The following DDX19A variants were observed in gnomAD, a reference collection of about 807,000 sequenced individuals.
DDX19A encodes the protein ATP-dependent RNA helicase DDX19A.
Under a neutral mutation model 60.6 loss-of-function variants are expected in DDX19A, and 12 were observed. That is an observed-to-expected ratio of 0.20 (90% CI 0.13 to 0.32). DDX19A has a LOEUF of 0.32. DDX19A is among the 10% of genes least tolerant of loss of function. The pLI is 1.00. For synonymous variants in DDX19A, 206 were observed against 218.2 expected (o/e 0.94, Z 0.49); for missense variants, 337 against 600.6 (o/e 0.56, Z 4.59).
At chr16:70,350,253 A>G (rs763152524) in intron 1 of DDX19A, among the ~76,000 whole-genome samples, 4 of 152,210 alleles carry the variant, frequency 2.6e-5, no homozygotes, top group Non-Finnish European at 4.4e-5. Context: ...ACCTTGTCTC[A>G]GAAAATAAAT....
chr16:70,365,798 A>G, intron 7 of DDX19A: 1 of 473,002 alleles, frequency 2.1e-6, no homozygotes, highest in Non-Finnish European at 3.9e-6. Flanking sequence ...TAAATAAATA[A>G]ACATAAAAAG....
At chr16:70,348,089 T>C (rs977931717) in intron 1 of DDX19A, 2 of 358,740 alleles carry the variant, frequency 5.6e-6, no homozygotes, top group African/African-American at 4.4e-5. Flanking sequence ...TGATGGCTAA[T>C]AGAAATATCA....
Position 70,357,366 on chromosome 16 carries a change from G to GTTTTTTT in DDX19A, c.293+1149_293+1155dup, listed in dbSNP as rs71151183. Among the ~76,000 whole-genome samples, 429 of 44,582 alleles carry GTTTTTTT rather than the reference G, an allele frequency of 9.6e-3. 171 individuals are homozygous for GTTTTTTT. The highest frequency in any genetic ancestry group is 0.013 in the East Asian group (18 of 1,370). The allele number at this position is 44,582 out of a possible 152,430, so 29.2% of individuals were successfully genotyped here. ...AATCTGTCAAATCTGTTTTTGGTTT[G>GTTTTTTT]TTTTTTTTTTTTTTTTTTTTTTTTT... On this transcript the variant is annotated intron_variant, in intron 4 of 11. Transcript: ENST00000302243.
intron 2 of DDX19A, among the ~76,000 whole-genome samples, chr16:70,351,691 AT>A (rs1017332138): frequency 4.1e-5 from 6 of 146,350 alleles, no homozygotes; most frequent in Admixed American, 6.8e-5. Context: ...TGCCCAGCTA[AT>A]TTTTTTTTTG....
chr16:70,372,194 T>C lies in DDX19A; in HGVS notation c.*208T>C, dbSNP rs373971062. ...AAGAAAAAATTTGCATTTTGGAAAA[T>C]TGGGTCCTTTCCCCACTTTTTTAAA... is the stretch of plus-strand genomic sequence containing the variant. On this transcript the variant is annotated 3_prime_UTR_variant, in exon 12 of 12. Coordinates refer to ENST00000302243, the MANE Select transcript of DDX19A (RefSeq NM_018332.5). 1 of 745,878 alleles carries C rather than the reference T, an allele frequency of 1.3e-6. No individual in the cohort carries two copies. The highest frequency in any genetic ancestry group is 2.2e-6 in the Non-Finnish European group (1 of 459,898). The allele number at this position is 745,878 out of a possible 1,614,324, so 46.2% of individuals were successfully genotyped here.
rs2047294225 is a variant in DDX19A at position 70,372,636 on chromosome 16, A to C, written c.*650A>C. 6.5e-6 allele frequency: 1 copy of C among 153,608 alleles called. No individual in the cohort carries two copies. The highest frequency in any genetic ancestry group is 1.4e-5 in the Non-Finnish European group (1 of 69,194). The allele number at this position is 153,608 out of a possible 1,614,324, so 9.5% of individuals were successfully genotyped here. ...ACTTCAGATTTGGAGAGAAACACGA[A>C]AGTCTGAATCCTGACCCCTTGAGAG... On this transcript the variant is annotated 3_prime_UTR_variant, in exon 12 of 12. Coordinates refer to ENST00000302243, the MANE Select transcript of DDX19A (RefSeq NM_018332.5).
intron 5 of DDX19A, among the ~76,000 whole-genome samples, chr16:70,363,039 A>G (rs922973177): frequency 6.7e-6 from 1 of 149,266 alleles, no homozygotes; most frequent in Non-Finnish European, 1.5e-5. Flanking sequence ...ATTTGTAGAG[A>G]CAGGGTATCA....
At chr16:70,353,981 G>A (rs1964110477) in intron 2 of DDX19A, among the ~76,000 whole-genome samples, 1 of 150,986 alleles carries the variant, frequency 6.6e-6, no homozygotes, top group South Asian at 2.1e-4. Flanking sequence ...GGCTCAAGCT[G>A]TTCTCCTGCC....
chr16:70,358,359 G>A lies in DDX19A; in HGVS notation c.293+2112G>A, dbSNP rs150672931. 2.2e-3 allele frequency among the ~76,000 whole-genome samples: 337 copies of A among 152,150 alleles called. 3 individuals are homozygous for A. The highest frequency in any genetic ancestry group is 7.9e-3 in the African/African-American group (326 of 41,520). On this transcript the variant is annotated intron_variant, in intron 4 of 11. Transcript: ENST00000302243. ...TTTTTTTATTTTTAAAAATAGAGAT[G>A]TGGTGTCACTGTGTTGGCCAGGTTG... is the stretch of plus-strand genomic sequence containing the variant.
chr16:70,367,897 C>G (rs1352360997), intron 9 of DDX19A, among the ~76,000 whole-genome samples: 1 of 151,408 alleles, frequency 6.6e-6, no homozygotes, highest in Non-Finnish European at 1.5e-5. Flanking sequence ...AAAAAGAGGC[C>G]AGGCTTAGTG....
intron 2 of DDX19A, 72 bp downstream of exon 2, chr16:70,350,677 G>T (rs1190542713): frequency 5.3e-6 from 6 of 1,127,940 alleles, no homozygotes; most frequent in Non-Finnish European, 7.8e-6. Context: ...TAGCTGCATT[G>T]TACAAAGAGC....
intron 1 of DDX19A, 128 bp downstream of exon 1, chr16:70,347,176 C>A: frequency 1.1e-6 from 1 of 880,236 alleles, no homozygotes; most frequent in Non-Finnish European, 1.8e-6. Context: ...CTAGGGCAGT[C>A]ACTTGCCCTT....
At chr16:70,360,326 T>TTTC (rs1964331067) in intron 4 of DDX19A, among the ~76,000 whole-genome samples, 1 of 149,568 alleles carries the variant, frequency 6.7e-6, no homozygotes, top group African/African-American at 2.5e-5. Context: ...TCTTTCTTTT[T>TTTC]TTTTTTTTTT....
intron 5 of DDX19A, chr16:70,363,843 C>T (rs1964443674): frequency 6.6e-6 from 1 of 152,126 alleles, no homozygotes; most frequent in South Asian, 2.1e-4. Context: ...AGGTTCATGC[C>T]ATTCTCCTGC....
At chr16:70,352,750 C>T (rs1471480965) in intron 2 of DDX19A, among the ~76,000 whole-genome samples, 1 of 150,894 alleles carries the variant, frequency 6.6e-6, no homozygotes. Flanking sequence ...GATTCTCCTG[C>T]TTCAGCCTTC....
chr16:70,357,516 G>A (rs1470069227), intron 4 of DDX19A, among the ~76,000 whole-genome samples: 1 of 150,756 alleles, frequency 6.6e-6, no homozygotes, highest in Non-Finnish European at 1.5e-5. Context: ...TCCCGAGTTA[G>A]CTGGGACTAC....
intron 9 of DDX19A, among the ~76,000 whole-genome samples, chr16:70,368,583 C>G (rs1567657412): frequency 1.4e-5 from 2 of 141,136 alleles, no homozygotes. Context: ...AAAAAATACT[C>G]TTTTTTTTTT....
At chr16:70,367,830 T>C (rs540429945) in intron 9 of DDX19A, among the ~76,000 whole-genome samples, 1 of 150,712 alleles carries the variant, frequency 6.6e-6, no homozygotes, top group African/African-American at 2.4e-5. Flanking sequence ...TGAGCTGAGA[T>C]CGTGCCCCTG....
intron 2 of DDX19A, among the ~76,000 whole-genome samples, chr16:70,351,042 G>GTTT (rs879782082): frequency 7.2e-6 from 1 of 139,850 alleles, no homozygotes; most frequent in Non-Finnish European, 1.6e-5. Flanking sequence ...CCACGCGCTA[G>GTTT]TTTTTTTTTT....
Sources: allele counts gnomAD v4.1 joint callset (sites outside exome capture counted in the v4.1 genomes callset), GRCh38; gene constraint gnomAD v4.1.1; transcripts MANE v1.5; gene names NCBI Gene and HGNC (gene_info 2026-07-23, HGNC 2026-07-21).